CHLSN: variants seen among roughly 807,000 people sequenced by gnomAD.
CHLSN encodes the protein cholesin.
chr7:1,087,695 T>A, the CHLSN span, among the ~76,000 whole-genome samples: 8 of 152,240 alleles, frequency 5.3e-5, no homozygotes, highest in Non-Finnish European at 8.8e-5. Flanking sequence ...GGGATTACAC[T>A]TCTCTCTGCA....
the CHLSN span, chr7:1,057,456 G>T: frequency 2.9e-6 from 2 of 687,854 alleles, no homozygotes; most frequent in Non-Finnish European, 2.7e-6. Context: ...CTTTGGGACG[G>T]GACGCGAGCT....
chr7:1,126,993 C>G, the CHLSN span, among the ~76,000 whole-genome samples: 1 of 152,174 alleles, frequency 6.6e-6, no homozygotes, highest in South Asian at 2.1e-4. Flanking sequence ...CATGCCGCCA[C>G]CAAGTCCCCT....
chr7:1,121,526 C>G, the CHLSN span, among the ~76,000 whole-genome samples: 1 of 152,242 alleles, frequency 6.6e-6, no homozygotes, highest in Non-Finnish European at 1.5e-5. Context: ...TCTTCATGCT[C>G]TAGTAATACA....
At chr7:1,048,257 C>T in the CHLSN span, among the ~76,000 whole-genome samples, 24 of 152,312 alleles carry the variant, frequency 1.6e-4, no homozygotes, top group African/African-American at 5.3e-4. Context: ...GACTTGCCGG[C>T]CCCAGCTCTG....
the CHLSN span, among the ~76,000 whole-genome samples, chr7:1,048,242 C>T: frequency 3.9e-5 from 6 of 152,182 alleles, no homozygotes; most frequent in Admixed American, 6.5e-5. Context: ...GATCACCGGG[C>T]GTGGGACTTG....
the CHLSN span, among the ~76,000 whole-genome samples, chr7:1,064,264 G>A: frequency 1.3e-5 from 2 of 152,310 alleles, no homozygotes; most frequent in East Asian, 1.9e-4. Flanking sequence ...GGGCTGTGAC[G>A]TGAAGATGGG....
the CHLSN span, among the ~76,000 whole-genome samples, chr7:1,132,551 G>A: frequency 1.3e-5 from 2 of 152,028 alleles, no homozygotes; most frequent in African/African-American, 4.8e-5. Flanking sequence ...AAAATTAGCT[G>A]GGCATGGTGA....
At chr7:988,247 C>T in the CHLSN span, 4 of 1,552,838 alleles carry the variant, frequency 2.6e-6, no homozygotes, top group Middle Eastern at 1.7e-4. Flanking sequence ...CCCCGGGGCC[C>T]CTCTCTCTGT....
At chr7:986,605 C>A in the CHLSN span, 1 of 1,612,108 alleles carries the variant, frequency 6.2e-7, no homozygotes, top group South Asian at 1.1e-5. Flanking sequence ...TATCTCCGCT[C>A]CTCCTGCCTC....
At chr7:1,073,530 C>CT in the CHLSN span, among the ~76,000 whole-genome samples, 3,009 of 152,194 alleles carry the variant, frequency 0.02, 109 homozygotes, top group East Asian at 0.18. Flanking sequence ...CCTTGAGACA[C>CT]TTTTTTTACT....
At chr7:1,008,689 C>A in the CHLSN span, among the ~76,000 whole-genome samples, 44 of 152,260 alleles carry the variant, frequency 2.9e-4, no homozygotes, top group Admixed American at 2.7e-3. Context: ...AGCCAAGAGC[C>A]CCTCTCCTGT....
At chr7:982,182 G>C in the CHLSN span, among the ~76,000 whole-genome samples, 5 of 152,230 alleles carry the variant, frequency 3.3e-5, no homozygotes, top group East Asian at 9.6e-4. Context: ...CCCTGAGGCT[G>C]TACAGCAGGA....
chr7:992,597 G>A, the CHLSN span, among the ~76,000 whole-genome samples: 1 of 152,248 alleles, frequency 6.6e-6, no homozygotes, highest in Non-Finnish European at 1.5e-5. Context: ...TGGTTCAGAT[G>A]TCCTGAAGCT....
chr7:1,111,947 G>A, the CHLSN span, among the ~76,000 whole-genome samples: 8 of 152,242 alleles, frequency 5.3e-5, no homozygotes, highest in Middle Eastern at 3.2e-3. Flanking sequence ...TCATTTCACG[G>A]TGGCAGAATC....
the CHLSN span, among the ~76,000 whole-genome samples, chr7:978,432 C>T: frequency 2.6e-5 from 4 of 152,106 alleles, no homozygotes; most frequent in Admixed American, 2.0e-4. Context: ...GTGGGAGGAT[C>T]GTCTGAGCCC....
the CHLSN span, among the ~76,000 whole-genome samples, chr7:1,090,061 G>A: frequency 1.3e-5 from 2 of 150,482 alleles, no homozygotes; most frequent in African/African-American, 4.9e-5. Flanking sequence ...TCCAACCTGG[G>A]TGACCAAAAA....
At chr7:1,083,660 G>C in the CHLSN span, among the ~76,000 whole-genome samples, 1 of 151,498 alleles carries the variant, frequency 6.6e-6, no homozygotes, top group African/African-American at 2.4e-5. Flanking sequence ...AAAAAAACAC[G>C]AGAGTGTGGA....
chr7:1,088,544 G>A, the CHLSN span, among the ~76,000 whole-genome samples: 3,244 of 152,228 alleles, frequency 0.021, 59 homozygotes, highest in Middle Eastern at 0.075. The surrounding 1 kb of genome is among the most constrained non-coding windows in gnomAD (Gnocchi z 4.5). Context: ...TTGCCTGGAC[G>A]GCCTTTCTAA....
the CHLSN span, among the ~76,000 whole-genome samples, chr7:1,015,474 G>A: frequency 3.9e-5 from 6 of 152,226 alleles, no homozygotes; most frequent in South Asian, 2.1e-4. Flanking sequence ...AGGCATCCAC[G>A]CCGCTCTGGA....
Sources: allele counts gnomAD v4.1 joint callset (sites outside exome capture counted in the v4.1 genomes callset), GRCh38; gene constraint gnomAD v4.1.1; non-coding constraint Gnocchi (gnomAD v3.1); transcripts MANE v1.5; gene names NCBI Gene and HGNC (gene_info 2026-07-23, HGNC 2026-07-21).